Variants in LRBA observed in about 807,000 individuals in gnomAD.
LRBA encodes lipopolysaccharide-responsive and beige-like anchor protein.
Under a neutral mutation model 330.0 loss-of-function variants are expected in LRBA, and 176 were observed. The observed-to-expected ratio is 0.53, with a 90% CI of 0.47 to 0.60. The LOEUF (loss-of-function observed/expected upper bound fraction) is 0.60, where lower values mean the gene tolerates loss of function less well. Among genes scored for constraint, LRBA ranks in the 20% least tolerant of loss-of-function variants. The pLI is 0.00. For missense variants in LRBA, 3,259 were observed against 3,444.8 expected, an observed-to-expected ratio of 0.95 and a Z score of 1.35; for synonymous variants, 1,230 against 1,193.0, an observed-to-expected ratio of 1.03 and a Z score of -0.64.
rs1578791350 is a variant in LRBA, at chr4:150,790,494, TATTA to T, written c.5580+7583_5580+7586del. 2.0e-5 allele frequency among the ~76,000 whole-genome samples: 3 copies of T among 152,366 alleles called. No homozygotes were observed. In the East Asian group the frequency reaches 5.8e-4, roughly 29 times the overall value. ...AAGTACTTTACTCCGATTTATTTTG[TATTA>T]ATGTTTTTGCTATTGTTTCAAGACA... On this transcript the variant is annotated intron_variant, in intron 34 of 56. Transcript: ENST00000651943.
intron 48 of LRBA, among the ~76,000 whole-genome samples, chr4:150,330,665 G>A (rs946973548): frequency 2.6e-5 from 4 of 152,108 alleles, no homozygotes; most frequent in African/African-American, 9.7e-5. Context: ...ATGTGACAGG[G>A]GTAGAGCTCA....
intron 34 of LRBA, among the ~76,000 whole-genome samples, chr4:150,768,642 C>T (rs1736108174): frequency 6.6e-6 from 1 of 152,130 alleles, no homozygotes; most frequent in Non-Finnish European, 1.5e-5. Context: ...GGAACTCATG[C>T]ATCACCAGTG....
intron 32 of LRBA, among the ~76,000 whole-genome samples, chr4:150,807,594 G>A (rs936516745): frequency 6.6e-6 from 1 of 151,900 alleles, no homozygotes; most frequent in African/African-American, 2.4e-5. Flanking sequence ...TATTATTGTG[G>A]CTTTGGCTGA....
chr4:151,011,320 C>A (rs1744817466), intron 2 of LRBA, among the ~76,000 whole-genome samples: 1 of 151,960 alleles, frequency 6.6e-6, no homozygotes, highest in South Asian at 2.1e-4. Flanking sequence ...ATATTTAGGC[C>A]AGGCGTGGTG....
intron 46 of LRBA, among the ~76,000 whole-genome samples, chr4:150,422,017 G>A (rs1748865983): frequency 6.6e-6 from 1 of 152,190 alleles, no homozygotes; most frequent in African/African-American, 2.4e-5. Flanking sequence ...CAACATTTTG[G>A]GAGGCCAAGG....
At chr4:150,731,071 C>G (rs1730387148) in intron 36 of LRBA, among the ~76,000 whole-genome samples, 1 of 152,038 alleles carries the variant, frequency 6.6e-6, no homozygotes, top group Admixed American at 6.6e-5. Context: ...CACAGAAATG[C>G]AAATCAAAAG....
chr4:150,548,180 C>T (rs1766079237), intron 40 of LRBA, among the ~76,000 whole-genome samples: 1 of 152,066 alleles, frequency 6.6e-6, no homozygotes, highest in South Asian at 2.1e-4. Flanking sequence ...CAGATAGTGT[C>T]AGATACATAA....
intron 36 of LRBA, among the ~76,000 whole-genome samples, chr4:150,724,872 GTA>G (rs1168370931): frequency 6.9e-6 from 1 of 144,642 alleles, no homozygotes; most frequent in Non-Finnish European, 1.5e-5. Context: ...TTAAATATAT[GTA>G]TATATATACA....
chr4:150,332,995 A>G (rs554043760), intron 48 of LRBA, among the ~76,000 whole-genome samples: 2 of 152,282 alleles, frequency 1.3e-5, no homozygotes, highest in South Asian at 2.1e-4. Flanking sequence ...TTATAGCTAT[A>G]TATAGAAAAA....
intron 37 of LRBA, among the ~76,000 whole-genome samples, chr4:150,636,811 C>A (rs1777968105): frequency 6.6e-6 from 1 of 152,108 alleles, no homozygotes; most frequent in Non-Finnish European, 1.5e-5. Context: ...CTACACCTGG[C>A]TAATTTTTAA....
At chr4:150,800,004 C>G (rs1017248735) in intron 33 of LRBA, among the ~76,000 whole-genome samples, 2 of 152,188 alleles carry the variant, frequency 1.3e-5, no homozygotes, top group Non-Finnish European at 2.9e-5. Flanking sequence ...CTTGGCCTCC[C>G]AAAGTGCTGG....
chr4:150,266,971 C>A (rs1361111935), intron 56 of LRBA, among the ~76,000 whole-genome samples: 1 of 152,124 alleles, frequency 6.6e-6, no homozygotes, highest in Non-Finnish European at 1.5e-5. Context: ...ACAAAGGACA[C>A]TACACTGAGA....
chr4:150,834,119 C>A (rs1016162868), intron 28 of LRBA, among the ~76,000 whole-genome samples: 3 of 152,142 alleles, frequency 2.0e-5, no homozygotes, highest in African/African-American at 7.2e-5. Flanking sequence ...CAGTGACTTC[C>A]TCCATGGAAA....
intron 31 of LRBA, among the ~76,000 whole-genome samples, chr4:150,811,690 A>G (rs896693136): frequency 6.6e-6 from 1 of 152,008 alleles, no homozygotes; most frequent in Non-Finnish European, 1.5e-5. Flanking sequence ...TTTCTTGTAG[A>G]GATAAGGTCT....
intron 47 of LRBA, among the ~76,000 whole-genome samples, chr4:150,406,093 C>A (rs1346067110): frequency 6.6e-6 from 1 of 150,910 alleles, no homozygotes; most frequent in Non-Finnish European, 1.5e-5. Context: ...ATAAATACGA[C>A]TAAGAAAAGA....
chr4:150,992,232 C>T (rs1338864734), intron 2 of LRBA, among the ~76,000 whole-genome samples: 2 of 151,432 alleles, frequency 1.3e-5, no homozygotes, highest in Non-Finnish European at 2.9e-5. Context: ...TAGAAAATCG[C>T]TTGAACTCGG....
chr4:150,478,734 C>G (rs1028971963), intron 42 of LRBA, among the ~76,000 whole-genome samples: 1 of 152,154 alleles, frequency 6.6e-6, no homozygotes, highest in Non-Finnish European at 1.5e-5. Flanking sequence ...CAAAGAATAG[C>G]TGGTTATATT....
At chr4:150,719,475 A>C (rs553725933) in intron 36 of LRBA, among the ~76,000 whole-genome samples, 14 of 152,268 alleles carry the variant, frequency 9.2e-5, no homozygotes, top group Admixed American at 5.2e-4. Context: ...ATTTCCTAAA[A>C]ACAAATTAGC....
Position 150,683,724 on chromosome 4 carries a change from G to A in LRBA, c.5755-7C>T. ...AATACTGGGCACACAGTGACTTGGAGAGAAAAAAAAATAATACTATAAAAA... is the reference window on the plus strand; with the variant it reads ...AATACTGGGCACACAGTGACTTGGAAAGAAAAAAAAATAATACTATAAAAA... On this transcript the variant is annotated splice_region_variant and splice_polypyrimidine_tract_variant and intron_variant, in intron 36 of 56. Coordinates refer to ENST00000651943, the MANE Select transcript of LRBA (RefSeq NM_001364905.1). The A allele has an allele frequency of 3.9e-6, 6 of 1,553,122 alleles. No homozygotes were observed. The highest frequency in any genetic ancestry group is 1.2e-5 in the South Asian group (1 of 80,358).
Sources: allele counts gnomAD v4.1 joint callset (sites outside exome capture counted in the v4.1 genomes callset), GRCh38; gene constraint gnomAD v4.1.1; transcripts MANE v1.5; gene names NCBI Gene and HGNC (gene_info 2026-07-23, HGNC 2026-07-21).